OTUD7A: variants seen among roughly 807,000 people sequenced by gnomAD.
OTUD7A encodes OTU deubiquitinase 7A, also known as OTU domain-containing protein 7A.
A neutral mutation model predicts 65.7 loss-of-function variants in OTUD7A; 12 were observed. The observed-to-expected ratio is 0.18, with a 90% confidence interval of 0.12 to 0.30. The LOEUF (loss-of-function observed/expected upper bound fraction) is 0.30, where lower values mean the gene tolerates loss of function less well. Ranked by LOEUF, OTUD7A falls within the 10% of genes least tolerant of loss-of-function variation. The pLI, the probability that OTUD7A is intolerant of heterozygous loss-of-function variation, is 1.00. For synonymous variants in OTUD7A, 641 were observed against 586.3 expected (o/e 1.09, Z -1.35); for missense variants, 1,148 against 1,304.8 (o/e 0.88, Z 1.85).
chr15:31,768,475 T>C (rs1895146768), intron 1 of OTUD7A, among the ~76,000 whole-genome samples: 1 of 152,044 alleles, frequency 6.6e-6, no homozygotes, highest in South Asian at 2.1e-4. Context: ...CCTGGGCAAC[T>C]TGACGAAACC....
At chr15:31,551,184 T>C (rs763124227) in intron 5 of OTUD7A, among the ~76,000 whole-genome samples, 10 of 152,100 alleles carry the variant, frequency 6.6e-5, no homozygotes, top group Non-Finnish European at 1.5e-4. Flanking sequence ...CCATGGTAAA[T>C]GCCAGCACTT....
chr15:31,566,001 G>A (rs1888857501), intron 4 of OTUD7A, among the ~76,000 whole-genome samples: 1 of 152,080 alleles, frequency 6.6e-6, no homozygotes, highest in African/African-American at 2.4e-5. Flanking sequence ...GACCATCCTG[G>A]CTAACACGGT....
At chr15:31,714,635 T>C (rs1254150338) in intron 1 of OTUD7A, among the ~76,000 whole-genome samples, 1 of 152,266 alleles carries the variant, frequency 6.6e-6, no homozygotes, top group African/African-American at 2.4e-5. Context: ...ACAGCCCTTA[T>C]GCAAAGCTAA....
At chr15:31,854,004 A>C (rs1300650322) in intron 1 of OTUD7A, among the ~76,000 whole-genome samples, 1 of 152,222 alleles carries the variant, frequency 6.6e-6, no homozygotes, top group Non-Finnish European at 1.5e-5. Flanking sequence ...TTTTTCTATT[A>C]GTTTTTTATT....
At chr15:31,501,545 G>A (rs1030846408) in intron 10 of OTUD7A, 145 bp downstream of exon 10, 1 of 987,074 alleles carries the variant, frequency 1.0e-6, no homozygotes, top group African/African-American at 1.6e-5. Flanking sequence ...GTAGCTTTAT[G>A]CAAAAACTGT....
At chr15:31,812,465 A>G in intron 1 of OTUD7A, among the ~76,000 whole-genome samples, 1 of 152,260 alleles carries the variant, frequency 6.6e-6, no homozygotes, top group Admixed American at 6.5e-5. Context: ...GAGCCTTGGG[A>G]GAAATTTCAG....
chr15:31,818,201 C>T (rs1896598426), intron 1 of OTUD7A, among the ~76,000 whole-genome samples: 7 of 152,148 alleles, frequency 4.6e-5, no homozygotes, highest in Admixed American at 4.6e-4. Context: ...TATAATTACC[C>T]AGTCTAAGTG....
At position 31,484,584 on chromosome 15, in the gene OTUD7A, C is replaced by G. The variant is rs768716767; in HGVS notation, c.1512G>C (p.Glu504Asp). The change falls in exon 13 of 13, where the codon GAG (glutamate) becomes GAC (aspartate). Residue 504 changes from glutamate to aspartate, a missense_variant. Physicochemically the swap from Glu to Asp is conservative, Grantham distance 45. This residue lies in a region of OTUD7A where 842 missense variants were observed against 769.5 expected (regional missense o/e 1.09). Transcript: ENST00000307050. This position sits in a 1 kb window ranked among gnomAD's most constrained non-coding sequence, Gnocchi z 4.5. ...CCTTCTCCTTGCGCTGCTTCTCCTT[C>G]TCCTTGTCCTTGCCGTTCTTGCCGT... ...SNNGKNGKDK[E>D]KEKQRKEKDK... The G allele has an allele frequency of 3.1e-6, 5 of 1,610,446 alleles. No homozygotes were observed. Among genetic ancestry groups the G allele is most frequent in the Non-Finnish European group, 2.5e-6 (3 of 1,179,238 alleles).
chr15:31,801,738 C>T (rs181633031), intron 1 of OTUD7A, among the ~76,000 whole-genome samples: 1 of 152,150 alleles, frequency 6.6e-6, no homozygotes, highest in East Asian at 1.9e-4. Flanking sequence ...CACTAACAGC[C>T]AAGAGAAATC....
rs537529601 is a variant in OTUD7A at position 31,530,789 on chromosome 15, G to T, written c.570C>A (p.Ser190=). 25 of 1,613,886 alleles carry T rather than the reference G, an allele frequency of 1.5e-5. 1 individual carries two copies. In the Admixed American group the frequency reaches 4.0e-4, roughly 26 times the overall value. The change falls in exon 6 of 13, where the codon TCC becomes TCA. Residue 190 remains serine (S), a synonymous_variant. Coordinates refer to ENST00000307050, the MANE Select transcript of OTUD7A (RefSeq NM_001382637.1). The part of the protein sequence containing the change: ...LEQAGRLNWW[S]TVCTSCKRLL... ...GCCGTTTACAGCTCGTGCACACAGT[G>T]GACCACCAGTTCAGGCGACCTGGAA...
intron 3 of OTUD7A, among the ~76,000 whole-genome samples, chr15:31,613,140 C>A (rs1890481300): frequency 6.6e-6 from 1 of 152,106 alleles, no homozygotes; most frequent in Admixed American, 6.6e-5. Context: ...TTACAAAAAT[C>A]AACTCAAGAG....
At chr15:31,538,069 C>T (rs1887864710) in intron 5 of OTUD7A, among the ~76,000 whole-genome samples, 1 of 152,230 alleles carries the variant, frequency 6.6e-6, no homozygotes. Flanking sequence ...TTCCACTCCC[C>T]TTGCCATGGA....
At chr15:31,659,238 G>A (rs1391366273) in intron 1 of OTUD7A, among the ~76,000 whole-genome samples, 1 of 152,152 alleles carries the variant, frequency 6.6e-6, no homozygotes, top group Non-Finnish European at 1.5e-5. Context: ...GATCCCTGGG[G>A]ACAGGTACAG....
chr15:31,503,961 C>A (rs2041515608), intron 8 of OTUD7A, 143 bp from the exon 9 acceptor site: 1 of 998,002 alleles, frequency 1.0e-6, no homozygotes, highest in Non-Finnish European at 1.5e-6. Context: ...CCATCCTGGG[C>A]CACTTCTCAT....
intron 5 of OTUD7A, among the ~76,000 whole-genome samples, chr15:31,540,476 C>T (rs1887952962): frequency 6.6e-6 from 1 of 152,152 alleles, no homozygotes; most frequent in Admixed American, 6.5e-5. Flanking sequence ...AGTTAGACTT[C>T]CTGGGTTCAA....
intron 1 of OTUD7A, among the ~76,000 whole-genome samples, chr15:31,803,767 T>A (rs1281681232): frequency 1.3e-5 from 2 of 152,204 alleles, no homozygotes; most frequent in African/African-American, 4.8e-5. Context: ...AACGCTTTAA[T>A]GCAGTGACCT....
At chr15:31,598,931 C>T (rs1889991717) in intron 3 of OTUD7A, among the ~76,000 whole-genome samples, 1 of 152,094 alleles carries the variant, frequency 6.6e-6, no homozygotes, top group South Asian at 2.1e-4. Context: ...CTCAGCAAGG[C>T]CGCCGTGGCC....
chr15:31,774,906 GTCAGGCCATCTCA>G (rs1400324137), intron 1 of OTUD7A, among the ~76,000 whole-genome samples: 1 of 149,956 alleles, frequency 6.7e-6, no homozygotes, highest in Non-Finnish European at 1.5e-5. Flanking sequence ...TCTCGTGGGG[GTCAGGCCATCTCA>G]TCAGGCAAGG....
At chr15:31,653,311 T>G (rs1849148504) in intron 3 of OTUD7A, among the ~76,000 whole-genome samples, 2 of 152,060 alleles carry the variant, frequency 1.3e-5, no homozygotes, top group South Asian at 4.2e-4. Flanking sequence ...AAAATCCTGT[T>G]CTTAAATGTT....
Sources: allele counts gnomAD v4.1 joint callset (sites outside exome capture counted in the v4.1 genomes callset), GRCh38; gene constraint gnomAD v4.1.1; regional missense constraint gnomAD v4.1.1; non-coding constraint Gnocchi (gnomAD v3.1); transcripts MANE v1.5; gene names NCBI Gene and HGNC (gene_info 2026-07-23, HGNC 2026-07-21).